PHF8: variants seen among roughly 807,000 people sequenced by gnomAD.
PHF8 encodes the protein PHD finger protein 8, also known as histone lysine demethylase PHF8.
A neutral mutation model predicts 74.4 loss-of-function variants in PHF8; 9 were observed. The ratio of observed to expected loss-of-function variants is 0.12; its 90% CI spans 0.07 to 0.21. The LOEUF (loss-of-function observed/expected upper bound fraction) is 0.21, where lower values mean the gene tolerates loss of function less well. PHF8 is among the 10% of genes least tolerant of loss of function. The pLI is 1.00. For synonymous variants in PHF8, 311 were observed against 316.6 expected (o/e 0.98, Z 0.19); for missense variants, 478 against 816.6 (o/e 0.59, Z 5.05).
intron 5 of PHF8, 131 bp from the exon 6 acceptor site, chrX:54,016,867 G>A: frequency 1.9e-6 from 1 of 529,974 alleles, no homozygotes; most frequent in Non-Finnish European, 3.2e-6. Context: ...ATATATGTGT[G>A]TGTTTGTTTG....
At chrX:53,969,148 C>CCA (rs1163646681) in intron 18 of PHF8, among the ~76,000 whole-genome samples, 2 of 109,969 alleles carry the variant, frequency 1.8e-5, no homozygotes, top group African/African-American at 6.6e-5. Flanking sequence ...GGTGAAAGGA[C>CCA]CACTTGAATC....
upstream of PHF8, chrX:54,045,073 G>A (rs2066622108): frequency 4.5e-6 from 2 of 445,272 alleles, no homozygotes; most frequent in Non-Finnish European, 7.8e-6. Context: ...CTGTCCCCAG[G>A]CCCTCAGTGT....
In PHF8 at chrX:53,966,199, CCCTCTCCCTCTCCCTCTCCCT is replaced by C. The variant is rs782774928; in HGVS notation, c.2444-3281_2444-3261del. Among the ~76,000 whole-genome samples, 99 of 110,797 alleles carry C rather than the reference CCCTCTCCCTCTCCCTCTCCCT, an allele frequency of 8.9e-4. No homozygotes were observed. In the East Asian group the frequency reaches 0.028, roughly 32 times the overall value. ...TTTCCATTAATAAAAGTGAAATTGT[CCCTCTCCCTCTCCCTCTCCCT>C]CCTCTCCCTCTCCCCACGGTCTCCC... On this transcript the variant is annotated intron_variant, in intron 18 of 21. Transcript: ENST00000338154.
At chrX:54,014,721 T>C (rs781886552) in intron 6 of PHF8, among the ~76,000 whole-genome samples, 158 bp from the exon 7 acceptor site, 1 of 111,470 alleles carries the variant, frequency 9.0e-6, no homozygotes, top group Admixed American at 9.6e-5. Flanking sequence ...ATTTCTGTTC[T>C]GTAAGTCTGG....
chrX:53,985,988 T>C (rs2065558063), intron 16 of PHF8, 39 bp from the exon 17 acceptor site: 1 of 1,193,354 alleles, frequency 8.4e-7, no homozygotes, highest in Non-Finnish European at 1.1e-6. Flanking sequence ...CTGCCCAGGA[T>C]TGGTCTGGTA....
At chrX:54,014,179 T>C (rs1357776586) in intron 7 of PHF8, among the ~76,000 whole-genome samples, 198 bp downstream of exon 7, 1 of 111,120 alleles carries the variant, frequency 9.0e-6, no homozygotes, top group Non-Finnish European at 1.9e-5. Flanking sequence ...ATGGTCTCAA[T>C]CTCCTGACCT....
intron 18 of PHF8, among the ~76,000 whole-genome samples, chrX:53,982,108 A>G (rs2065488065): frequency 8.9e-6 from 1 of 112,469 alleles, no homozygotes; most frequent in African/African-American, 3.2e-5. Context: ...GAGCTGTTCT[A>G]AGAGGAGCGG....
intron 8 of PHF8, among the ~76,000 whole-genome samples, chrX:54,010,795 T>C (rs2065971766): frequency 9.0e-6 from 1 of 111,223 alleles, no homozygotes; most frequent in Admixed American, 9.6e-5. Context: ...CCACAGGTCA[T>C]TCTGACTTAG....
intron 2 of PHF8, 103 bp downstream of exon 2, chrX:54,042,528 G>C (rs2066576892): frequency 8.8e-6 from 6 of 681,803 alleles, no homozygotes; most frequent in Non-Finnish European, 1.1e-5. Context: ...TCTGGGAGAG[G>C]GGGTCCTGAG....
intron 2 of PHF8, among the ~76,000 whole-genome samples, chrX:54,038,149 G>A (rs781931378): frequency 8.9e-6 from 1 of 112,174 alleles, no homozygotes; most frequent in South Asian, 3.7e-4. Flanking sequence ...GGTGAATCAG[G>A]ATCACTTGTT....
intron 17 of PHF8, among the ~76,000 whole-genome samples, chrX:53,985,489 C>G (rs2065548324): frequency 9.0e-6 from 1 of 111,435 alleles, no homozygotes; most frequent in Non-Finnish European, 1.9e-5. Context: ...GGCACACTTC[C>G]CTCCCTGTTT....
chrX:54,043,223 C>T (rs1486946432), intron 1 of PHF8: 7 of 554,965 alleles, frequency 1.3e-5, no homozygotes, highest in African/African-American at 2.5e-5. Context: ...AAAAATGAGG[C>T]TGGGGGTATC....
rs2065646411 is a variant in PHF8, at chrX:53,990,765, T to C, written c.1730+1971A>G. Among the ~76,000 whole-genome samples the C allele has an allele frequency of 1.8e-5, 2 of 111,658 alleles. 1 individual carries two copies. Among genetic ancestry groups the C allele is most frequent in the Admixed American group, 1.9e-4 (2 of 10,464 alleles). On this transcript the variant is annotated intron_variant, in intron 14 of 21. Transcript: ENST00000338154. ...TTGTGTTCCTACATCGTTCATACTC[T>C]GCACTTGGCTCTTGACTGCTGATGT...
At position 53,998,125 on chromosome X, in the gene PHF8, T is replaced by C. The variant is rs192962581; in HGVS notation, c.1233+1745A>G. The stretch of plus-strand genomic sequence containing the variant: ...TAGGTCAAAAATCAAATATTGGTGC[T>C]GAGAAGGAAATTAACAGCTAAAGGC... On this transcript the variant is annotated intron_variant, in intron 11 of 21. Transcript: ENST00000338154. Among the ~76,000 whole-genome samples, 3 of 112,051 alleles carry C rather than the reference T, an allele frequency of 2.7e-5. No homozygotes were observed. In the Admixed American group the frequency reaches 2.9e-4, roughly 11 times the overall value.
chrX:54,041,449 C>T (rs1229866243), intron 2 of PHF8, among the ~76,000 whole-genome samples: 3 of 108,853 alleles, frequency 2.8e-5, no homozygotes, highest in Non-Finnish European at 5.8e-5. Context: ...TGGAGGAGAC[C>T]AGACAACTGA....
At chrX:53,994,266 G>A (rs1308698249) in intron 12 of PHF8, among the ~76,000 whole-genome samples, 3 of 112,643 alleles carry the variant, frequency 2.7e-5, no homozygotes, top group African/African-American at 9.7e-5. Context: ...TCTGCTGCTA[G>A]CTAGCTCTGT....
chrX:53,941,307 TATCTTC>T (rs1426935624), intron 20 of PHF8, among the ~76,000 whole-genome samples: 1 of 112,660 alleles, frequency 8.9e-6, no homozygotes, highest in Non-Finnish European at 1.9e-5. Context: ...ATTATTATTC[TATCTTC>T]ATCTCTTATA....
At chrX:53,951,680 C>G (rs1162178436) in intron 19 of PHF8, among the ~76,000 whole-genome samples, 1 of 110,159 alleles carries the variant, frequency 9.1e-6, no homozygotes, top group East Asian at 2.9e-4. Context: ...TCTTGATCTC[C>G]TGACCTCGTG....
intron 18 of PHF8, among the ~76,000 whole-genome samples, chrX:53,977,029 T>C (rs1557096315): frequency 8.9e-6 from 1 of 112,708 alleles, no homozygotes; most frequent in Non-Finnish European, 1.9e-5. Context: ...GAAAATTCTA[T>C]ATCTACTAAA....
Sources: gnomAD v4.1 joint callset for allele counts (sites outside exome capture counted in the v4.1 genomes callset) on GRCh38, gnomAD v4.1.1 for gene constraint, MANE v1.5 for transcripts, NCBI Gene and HGNC (gene_info 2026-07-23, HGNC 2026-07-21) for gene names.